TACC1: variants seen among roughly 807,000 people sequenced by gnomAD.
TACC1 encodes the protein transforming acidic coiled-coil-containing protein 1.
A neutral mutation model predicts 84.4 loss-of-function variants in TACC1; 48 were observed. The ratio of observed to expected loss-of-function variants is 0.57; its 90% CI spans 0.45 to 0.72. The LOEUF is 0.72. Ranked by LOEUF, TACC1 falls within the 30% of genes least tolerant of loss-of-function variation. The pLI is 0.00. For missense variants in TACC1, 920 were observed against 973.0 expected, an observed-to-expected ratio of 0.95 and a Z score of 0.72; for synonymous variants, 372 against 376.3, an observed-to-expected ratio of 0.99 and a Z score of 0.13.
At chr8:38,847,412 T>C (rs573478951) in intron 12 of TACC1, among the ~76,000 whole-genome samples, 29 of 152,242 alleles carry the variant, frequency 1.9e-4, no homozygotes, top group Non-Finnish European at 3.2e-4. Flanking sequence ...AAACCAGGAC[T>C]AGCAACAATC....
intron 8 of TACC1, chr8:38,839,415 C>A: frequency 2.6e-6 from 1 of 390,218 alleles, no homozygotes; most frequent in South Asian, 1.3e-4. Context: ...ACAGTGTGGT[C>A]AACACTTGAA....
Position 38,842,463 on chromosome 8 carries a change from C to T in TACC1, c.2121+16C>T. On this transcript the variant is annotated intron_variant, in intron 10 of 12. Transcript: ENST00000317827. Reference sequence around the variant, plus strand: ...GTTCAAGAAGGTAGAGTGTTTTTTCCCTCTGTCTCCTGGTGTATTTCCAGT... The same window carrying T: ...GTTCAAGAAGGTAGAGTGTTTTTTCTCTCTGTCTCCTGGTGTATTTCCAGT... 6.3e-7 allele frequency: 1 copy of T among 1,594,014 alleles called. No individual in the cohort carries two copies. Among genetic ancestry groups the T allele is most frequent in the Non-Finnish European group, 8.5e-7 (1 of 1,170,602 alleles).
chr8:38,730,754 G>A (rs979231812), intron 1 of TACC1, among the ~76,000 whole-genome samples: 1 of 152,198 alleles, frequency 6.6e-6, no homozygotes, highest in Non-Finnish European at 1.5e-5. Flanking sequence ...GTATTTTGTC[G>A]AAGAATGCCC....
intron 1 of TACC1, among the ~76,000 whole-genome samples, chr8:38,738,595 A>G (rs1302502422): frequency 2.7e-5 from 4 of 149,942 alleles, no homozygotes; most frequent in Admixed American, 2.7e-4. Flanking sequence ...GCGCTCTCTC[A>G]TTTGGCTTCT....
At chr8:38,807,444 G>T (rs1042688124) in intron 2 of TACC1, among the ~76,000 whole-genome samples, 1 of 152,178 alleles carries the variant, frequency 6.6e-6, no homozygotes, top group African/African-American at 2.4e-5. Flanking sequence ...CGTAAAAAGG[G>T]CTGTCTATCT....
In TACC1 at chr8:38,840,221, T is replaced by G; in HGVS notation, c.1917-3T>G. The G allele has an allele frequency of 6.2e-7, 1 of 1,607,084 alleles. No individual in the cohort carries two copies. The highest frequency in any genetic ancestry group is 8.5e-7 in the Non-Finnish European group (1 of 1,177,100). The stretch of plus-strand genomic sequence containing the variant: ...GGTAATAAGTTCTTTTTTTCTCATT[T>G]AGGAAAATTGTAGCTGAATATGAAA... On this transcript the variant is annotated splice_region_variant and splice_polypyrimidine_tract_variant and intron_variant, in intron 8 of 12. Transcript: ENST00000317827.
Position 38,819,794 on chromosome 8 carries a change from C to T in TACC1, c.550C>T (p.Pro184Ser). 6.8e-6 allele frequency: 11 copies of T among 1,613,970 alleles called. No individual in the cohort carries two copies. Among genetic ancestry groups the T allele is most frequent in the Non-Finnish European group, 9.3e-6 (11 of 1,180,042 alleles). The change falls in exon 3 of 13, where the codon CCT (proline) becomes TCT (serine). Residue 184 changes from proline to serine, a missense_variant. Physicochemically the swap from Pro to Ser is moderately conservative, Grantham distance 74 (BLOSUM62 -1). Coordinates refer to ENST00000317827, the MANE Select transcript of TACC1 (RefSeq NM_006283.3). ...AACTGCAGTCTCAGGCAAGGCTCTG[C>T]CTTCCAGCCCGCCAGACGCCCTCCA... is the stretch of plus-strand genomic sequence containing the variant. ...CVTAVSGKAL[P>S]SSPPDALQDE...
chr8:38,740,972 C>G (rs16887736), intron 1 of TACC1, among the ~76,000 whole-genome samples: 29,349 of 152,028 alleles, frequency 0.19, 3,954 homozygotes, highest in East Asian at 0.75. Context: ...TCGCGAGTAT[C>G]CTAAAGTCAC....
intron 3 of TACC1, among the ~76,000 whole-genome samples, chr8:38,765,481 G>T (rs1004827559): frequency 6.6e-6 from 1 of 152,174 alleles, no homozygotes; most frequent in African/African-American, 2.4e-5. Context: ...TTCTAAAGAA[G>T]GAGATTGCTG....
chr8:38,763,860 T>C (rs1426800635), intron 3 of TACC1, among the ~76,000 whole-genome samples: 1 of 152,234 alleles, frequency 6.6e-6, no homozygotes, highest in African/African-American at 2.4e-5. Flanking sequence ...TTTGCTCATA[T>C]AAACAACACA....
chr8:38,753,888 C>A (rs1809470935), intron 3 of TACC1, among the ~76,000 whole-genome samples: 1 of 113,182 alleles, frequency 8.8e-6, no homozygotes, highest in Admixed American at 8.2e-5. Flanking sequence ...GTAGGCTTCA[C>A]TCTTTCCTCT....
chr8:38,824,059 A>T (rs773497733), intron 3 of TACC1: 1 of 1,348,922 alleles, frequency 7.4e-7, no homozygotes, highest in South Asian at 1.1e-5. Context: ...AGTCCCTGGG[A>T]CCGTTGGCAG....
At position 38,851,876 on chromosome 8, in the gene TACC1, T is replaced by C. The variant is rs1371006588; in HGVS notation, c.*3853T>C. ...GTCAAGCCAAAGGTCTAAGAAGTCA[T>C]CTCCTTCAAATACTTTAATAAAGAA... On this transcript the variant is annotated 3_prime_UTR_variant, in exon 13 of 13. Coordinates refer to ENST00000317827, the MANE Select transcript of TACC1 (RefSeq NM_006283.3). 4.4e-6 allele frequency: 2 copies of C among 454,620 alleles called. No individual in the cohort carries two copies. Among genetic ancestry groups the C allele is most frequent in the African/African-American group, 4.0e-5 (2 of 50,030 alleles). 28.2% of individuals were successfully genotyped at this position (454,620 alleles called of 1,614,324 possible).
intron 2 of TACC1, among the ~76,000 whole-genome samples, chr8:38,790,459 G>C (rs1018387825): frequency 3.3e-5 from 5 of 152,142 alleles, no homozygotes; most frequent in African/African-American, 4.8e-5. Context: ...TTTGTAAAAG[G>C]CTCCCTGGGC....
chr8:38,786,443 T>C (rs1433133602), upstream of TACC1, among the ~76,000 whole-genome samples: 1 of 152,150 alleles, frequency 6.6e-6, no homozygotes, highest in Non-Finnish European at 1.5e-5. Context: ...GTGTCAGGCC[T>C]GGAATCCTAG....
At chr8:38,847,046 T>C (rs1391080926) in intron 12 of TACC1, among the ~76,000 whole-genome samples, 1 of 152,182 alleles carries the variant, frequency 6.6e-6, no homozygotes, top group Non-Finnish European at 1.5e-5. Flanking sequence ...AGAGAGGAAG[T>C]TGCATTTTAA....
rs1000551617 is a variant in TACC1, at chr8:38,819,954, C to G, written c.710C>G (p.Pro237Arg). The change falls in exon 3 of 13, where the codon CCC (proline) becomes CGC (arginine). Residue 237 changes from proline (P) to arginine (R), a missense_variant. Pro to Arg is a moderately radical substitution (Grantham distance 103). Transcript: ENST00000317827. ...RSKLRKPKPVPLRKKAIGGEF... is the reference protein window; with the variant it reads ...RSKLRKPKPVRLRKKAIGGEF... ...AAGCTGAGAAAGCCCAAGCCTGTCC[C>G]CCTGAGGAAGAAAGCAATTGGAGGA... is the stretch of plus-strand genomic sequence containing the variant. 7 of 1,614,142 alleles carry G rather than the reference C, an allele frequency of 4.3e-6. No homozygotes were observed. The highest frequency in any genetic ancestry group is 5.1e-6 in the Non-Finnish European group (6 of 1,180,046).
intron 3 of TACC1, among the ~76,000 whole-genome samples, chr8:38,764,360 G>T (rs945773268): frequency 9.3e-5 from 14 of 150,100 alleles, no homozygotes; most frequent in African/African-American, 3.4e-4. Context: ...TTACAGGCAT[G>T]AGCCACTGCG....
chr8:38,751,662 T>A (rs1009954197), intron 3 of TACC1, among the ~76,000 whole-genome samples: 1 of 152,188 alleles, frequency 6.6e-6, no homozygotes, highest in Admixed American at 6.5e-5. Flanking sequence ...GGAATGTACA[T>A]TTTTTGGACA....
Sources: gnomAD v4.1 joint callset for allele counts (sites outside exome capture counted in the v4.1 genomes callset) on GRCh38, gnomAD v4.1.1 for gene constraint, MANE v1.5 for transcripts, NCBI Gene and HGNC (gene_info 2026-07-23, HGNC 2026-07-21) for gene names.